Variants in SEMA3A observed in about 807,000 individuals in gnomAD.
SEMA3A encodes the protein semaphorin-3A.
In SEMA3A, 29 loss-of-function variants were observed where a neutral mutation model predicts 97.9. The ratio of observed to expected loss-of-function variants is 0.30; its 90% confidence interval spans 0.22 to 0.40. SEMA3A has a LOEUF of 0.40. Ranked by LOEUF, SEMA3A falls within the 10% of genes least tolerant of loss-of-function variation. The pLI, the probability that SEMA3A is intolerant of heterozygous loss-of-function variation, is 1.00. For missense variants in SEMA3A, 763 were observed against 951.3 expected, an observed-to-expected ratio of 0.80 and a Z score of 2.60; for synonymous variants, 321 against 323.7, an observed-to-expected ratio of 0.99 and a Z score of 0.09.
intron 1 of SEMA3A, among the ~76,000 whole-genome samples, chr7:84,427,010 G>GCATAACCTATGCGTT (rs1404150873): frequency 6.6e-6 from 1 of 152,126 alleles, no homozygotes; most frequent in Non-Finnish European, 1.5e-5. Context: ...GTTGGGACAT[G>GCATAACCTATGCGTT]CATAATGAAC....
intron 4 of SEMA3A, among the ~76,000 whole-genome samples, chr7:84,106,271 G>A (rs937314252): frequency 2.0e-5 from 3 of 152,254 alleles, no homozygotes; most frequent in African/African-American, 7.2e-5. Flanking sequence ...ATAGCCATTG[G>A]AAAGCCTTGT....
At chr7:84,173,499 C>T (rs1017284764) in intron 1 of SEMA3A, among the ~76,000 whole-genome samples, 1 of 133,076 alleles carries the variant, frequency 7.5e-6, no homozygotes, top group African/African-American at 2.9e-5. Context: ...GCGGAGGTTG[C>T]GGTGAGCCGA....
At position 84,246,332 on chromosome 7, in the gene SEMA3A, T is replaced by A. The variant is rs143371913; in HGVS notation, c.-82-51664A>T. On this transcript the variant is annotated intron_variant, in intron 3 of 3. Transcript: ENST00000424555. ...AATTAAAACAAGGACTTTCCAAGCA[T>A]AAAACCAATGGAAAAGTGGTTTAAA... Among the ~76,000 whole-genome samples, 158 of 152,334 alleles carry A rather than the reference T, an allele frequency of 1.0e-3. 1 individual carries two copies. Among genetic ancestry groups the A allele is most frequent in the African/African-American group, 3.5e-3 (147 of 41,578 alleles).
intron 1 of SEMA3A, among the ~76,000 whole-genome samples, chr7:84,150,492 A>G (rs993764910): frequency 6.6e-6 from 1 of 152,194 alleles, no homozygotes; most frequent in Non-Finnish European, 1.5e-5. Context: ...CGGCACCTGG[A>G]GAATCGGGTC....
At chr7:83,981,736 A>G (rs1382565045) in intron 13 of SEMA3A, among the ~76,000 whole-genome samples, 1 of 152,186 alleles carries the variant, frequency 6.6e-6, no homozygotes, top group Non-Finnish European at 1.5e-5. Context: ...GAAGACAGTA[A>G]TACACCAACC....
chr7:84,142,083 G>T (rs1388699076), intron 1 of SEMA3A, among the ~76,000 whole-genome samples: 1 of 152,082 alleles, frequency 6.6e-6, no homozygotes, highest in Non-Finnish European at 1.5e-5. Context: ...AGCTTCAAAG[G>T]CAGAACTATC....
chr7:84,143,937 T>A (rs1347118459), intron 1 of SEMA3A, among the ~76,000 whole-genome samples: 3 of 142,036 alleles, frequency 2.1e-5, no homozygotes, highest in Non-Finnish European at 4.5e-5. Context: ...TCTCTCTCTC[T>A]CTCTCTCTCT....
At chr7:84,371,135 C>T (rs1309743698) in intron 2 of SEMA3A, among the ~76,000 whole-genome samples, 2 of 151,526 alleles carry the variant, frequency 1.3e-5, no homozygotes, top group Non-Finnish European at 3.0e-5. Context: ...GAAACTCCTT[C>T]CAGTAATATT....
intron 3 of SEMA3A, among the ~76,000 whole-genome samples, chr7:84,226,110 G>T (rs1798985560): frequency 1.3e-5 from 2 of 152,048 alleles, no homozygotes; most frequent in African/African-American, 4.8e-5. Context: ...AAGTCTAAGA[G>T]AAAAATTATA....
chr7:84,016,217 G>A (rs1791091934), intron 6 of SEMA3A, among the ~76,000 whole-genome samples: 1 of 152,116 alleles, frequency 6.6e-6, no homozygotes, highest in African/African-American at 2.4e-5. Flanking sequence ...AGAAATGTGT[G>A]TGTGTATGTT....
intron 3 of SEMA3A, among the ~76,000 whole-genome samples, chr7:84,259,523 T>C (rs1011889913): frequency 1.3e-5 from 2 of 152,004 alleles, no homozygotes; most frequent in Non-Finnish European, 2.9e-5. Flanking sequence ...AAAGGGTTAC[T>C]TGAATATACA....
chr7:84,066,907 A>T (rs1793527335), intron 4 of SEMA3A, among the ~76,000 whole-genome samples: 1 of 152,160 alleles, frequency 6.6e-6, no homozygotes, highest in Admixed American at 6.5e-5. Flanking sequence ...TCTTCACAGA[A>T]TTGGAAAAAA....
chr7:84,114,119 A>G (rs901359510), intron 3 of SEMA3A, among the ~76,000 whole-genome samples: 1 of 152,260 alleles, frequency 6.6e-6, no homozygotes, highest in Non-Finnish European at 1.5e-5. Context: ...AAGTCCATCC[A>G]TCTGTCAAAA....
intron 1 of SEMA3A, among the ~76,000 whole-genome samples, chr7:84,171,776 C>A (rs972889098): frequency 1.3e-5 from 2 of 151,838 alleles, no homozygotes; most frequent in African/African-American, 4.8e-5. Context: ...AAGGGAGGAC[C>A]AAATTATTTT....
At chr7:84,371,524 T>C (rs1802977021) in intron 2 of SEMA3A, among the ~76,000 whole-genome samples, 5 of 151,842 alleles carry the variant, frequency 3.3e-5, no homozygotes, top group Admixed American at 2.6e-4. Flanking sequence ...AATTAAGATA[T>C]AAGAAAATAA....
chr7:84,302,140 A>G (rs762525288), intron 3 of SEMA3A, among the ~76,000 whole-genome samples: 3 of 152,180 alleles, frequency 2.0e-5, no homozygotes, highest in Non-Finnish European at 4.4e-5. Flanking sequence ...TAAGTCATAG[A>G]TAAATGTATA....
At chr7:83,996,723 A>C in intron 12 of SEMA3A, among the ~76,000 whole-genome samples, 1 of 152,334 alleles carries the variant, frequency 6.6e-6, no homozygotes. Context: ...AGAATCACAT[A>C]ATAAATACAA....
At chr7:84,081,085 C>T (rs1200899407) in intron 4 of SEMA3A, among the ~76,000 whole-genome samples, 1 of 151,876 alleles carries the variant, frequency 6.6e-6, no homozygotes, top group Non-Finnish European at 1.5e-5. Flanking sequence ...AGAAAGAATG[C>T]ACATGATTCA....
rs57547797 is a variant in SEMA3A, at chr7:83,980,618, A to ACAAAACAAAAC, written c.1652+702_1652+703insGTTTTGTTTTG. Among the ~76,000 whole-genome samples the ACAAAACAAAAC allele has an allele frequency of 3.1e-3, 255 of 82,024 alleles. 1 individual carries two copies. The highest frequency in any genetic ancestry group is 0.012 in the African/African-American group (244 of 19,526). The allele number at this position is 82,024 out of a possible 152,430, so 53.8% of individuals were successfully genotyped here. ...GACTCCATCTCAAAAAAAAAAAAAA[A>ACAAAACAAAAC]AAAAAATATATATATATATATACAC... On this transcript the variant is annotated intron_variant, in intron 14 of 16. Coordinates refer to ENST00000265362, the MANE Select transcript of SEMA3A (RefSeq NM_006080.3).
Sources: gnomAD v4.1 joint callset for allele counts (sites outside exome capture counted in the v4.1 genomes callset) on GRCh38, gnomAD v4.1.1 for gene constraint, MANE v1.5 for transcripts, NCBI Gene and HGNC (gene_info 2026-07-23, HGNC 2026-07-21) for gene names.